FMN1: variants seen among roughly 807,000 people sequenced by gnomAD.
FMN1 encodes formin-1.
Under a neutral mutation model 132.4 loss-of-function variants are expected in FMN1, and 110 were observed. The ratio of observed to expected loss-of-function variants is 0.83; its 90% confidence interval spans 0.71 to 0.97. The LOEUF is 0.97. Among genes scored for constraint, FMN1 ranks in the 50% least tolerant of loss-of-function variants. FMN1 has a pLI of 0.00. For synonymous variants in FMN1, 722 were observed against 651.7 expected (o/e 1.11, Z -1.64); for missense variants, 1,792 against 1,705.3 (o/e 1.05, Z -0.90).
chr15:32,894,483 C>T (rs1335943168), intron 15 of FMN1, among the ~76,000 whole-genome samples: 1 of 140,532 alleles, frequency 7.1e-6, no homozygotes, highest in Non-Finnish European at 1.5e-5. Context: ...GACTCCATCT[C>T]AATTAAAAAA....
At chr15:33,131,848 C>T (rs1192793956) in intron 4 of FMN1, among the ~76,000 whole-genome samples, 1 of 152,176 alleles carries the variant, frequency 6.6e-6, no homozygotes, top group Non-Finnish European at 1.5e-5. Context: ...CTATTAAATG[C>T]TGTTTAAGTA....
intron 17 of FMN1, among the ~76,000 whole-genome samples, chr15:32,850,787 TTATC>T (rs1440387511): frequency 1.8e-4 from 27 of 152,340 alleles, no homozygotes; most frequent in African/African-American, 6.5e-4. Context: ...CCTGGTAAAT[TTATC>T]TATTTTTTAC....
rs1404485671 is a variant in FMN1 at position 33,154,223 on chromosome 15, T to C, written c.692A>G (p.Gln231Arg). Residue 231 changes from glutamine (Q) to arginine (R), a missense_variant, in exon 4 of 21, where the codon CAG becomes CGG. Gln to Arg is a conservative substitution (Grantham distance 43). Around this residue, in one of 3 missense-constraint regions of FMN1, gnomAD observed 638 missense variants for 645.2 expected, o/e 0.99. Coordinates refer to ENST00000616417, the MANE Select transcript of FMN1 (RefSeq NM_001277313.2). ...LPNGALACSL[Q>R]RRESCPPDIP... is the part of the protein sequence containing the mutation. Reference sequence around the variant, plus strand: ...ATCTGGGGGGCAGCTCTCTCTCCTCTGCAGGGAGCAGGCAAGTGCCCCATT... The same window carrying C: ...ATCTGGGGGGCAGCTCTCTCTCCTCCGCAGGGAGCAGGCAAGTGCCCCATT... 3 of 1,536,236 alleles carry C rather than the reference T, an allele frequency of 2.0e-6. No homozygotes were observed. Among genetic ancestry groups the C allele is most frequent in the South Asian group, 2.4e-5 (2 of 84,062 alleles).
At chr15:33,033,707 A>G (rs2036056669) in intron 6 of FMN1, among the ~76,000 whole-genome samples, 1 of 151,610 alleles carries the variant, frequency 6.6e-6, no homozygotes. Context: ...AATCTCTCAA[A>G]GTCACCTACA....
chr15:33,170,398 C>CA, intron 3 of FMN1, among the ~76,000 whole-genome samples: 1 of 151,870 alleles, frequency 6.6e-6, no homozygotes, highest in Non-Finnish European at 1.5e-5. Context: ...GCAACAAAAC[C>CA]AAAAATAGAC....
At chr15:32,779,898 A>G (rs1227236124) in intron 19 of FMN1, among the ~76,000 whole-genome samples, 1 of 152,196 alleles carries the variant, frequency 6.6e-6, no homozygotes, top group Non-Finnish European at 1.5e-5. Context: ...ACAAATTCAA[A>G]AATCACAGGA....
At chr15:33,112,720 T>C (rs2039758007) in intron 4 of FMN1, among the ~76,000 whole-genome samples, 1 of 152,204 alleles carries the variant, frequency 6.6e-6, no homozygotes, top group African/African-American at 2.4e-5. Flanking sequence ...CAGTCACGGC[T>C]GCCCAATCAA....
intron 10 of FMN1, among the ~76,000 whole-genome samples, chr15:32,920,839 TG>T (rs1349319695): frequency 2.6e-5 from 4 of 152,228 alleles, no homozygotes; most frequent in Non-Finnish European, 5.9e-5. Context: ...CCCTCATACG[TG>T]GTCTCTTCTC....
chr15:32,830,630 G>A (rs141914217), intron 17 of FMN1, among the ~76,000 whole-genome samples: 6 of 152,194 alleles, frequency 3.9e-5, no homozygotes, highest in African/African-American at 1.4e-4. Context: ...CTTCCCTCTC[G>A]TATCAGCTAA....
rs575481973 is a variant in FMN1 at position 33,097,016 on chromosome 15, G to A, written c.1868-8042C>T. Among the ~76,000 whole-genome samples the A allele has an allele frequency of 4.7e-4, 72 of 152,192 alleles. 2 individuals carry two copies. The South Asian group carries it at 0.012, about 26-fold the overall frequency. On this transcript the variant is annotated intron_variant, in intron 4 of 20. Coordinates refer to ENST00000616417, the MANE Select transcript of FMN1 (RefSeq NM_001277313.2). The stretch of plus-strand genomic sequence containing the variant: ...ACCTCAGTAGAAAGCATAGGTAGCC[G>A]GGCACAGCGGCTCATGCCTGTAATC...
intron 9 of FMN1, among the ~76,000 whole-genome samples, chr15:32,951,063 T>C (rs758427087): frequency 2.6e-5 from 4 of 152,166 alleles, no homozygotes; most frequent in Admixed American, 2.0e-4. Flanking sequence ...AAGTACTGTA[T>C]GAAAGTTAAT....
At chr15:32,854,310 G>T (rs562687864) in intron 17 of FMN1, among the ~76,000 whole-genome samples, 1 of 152,120 alleles carries the variant, frequency 6.6e-6, no homozygotes, top group South Asian at 2.1e-4. Context: ...TTGCCACATC[G>T]AACAGCACAA....
At chr15:32,940,391 TTGTGTGTGTGTGTGTGTGTGTG>T (rs67121672) in intron 9 of FMN1, among the ~76,000 whole-genome samples, 12 of 145,308 alleles carry the variant, frequency 8.3e-5, no homozygotes, top group African/African-American at 2.3e-4. Context: ...AAAATAAAAA[TTGTGTGTGTGTGTGTGTGTGTG>T]TGTGTGTGTG....
rs566431972 is a variant in FMN1 at position 32,967,703 on chromosome 15, A to T, written c.2987+1011T>A. 2.0e-5 allele frequency among the ~76,000 whole-genome samples: 3 copies of T among 152,312 alleles called. No individual in the cohort carries two copies. The South Asian group carries it at 6.2e-4, about 32-fold the overall frequency. ...TGGTGAGAGGAAAGGGGAAAATATG[A>T]AGCACATATGCTTAGTTTTAGGGTA... On this transcript the variant is annotated intron_variant, in intron 8 of 20. Transcript: ENST00000616417.
intron 16 of FMN1, among the ~76,000 whole-genome samples, chr15:32,876,693 A>G (rs1350803571): frequency 6.6e-6 from 1 of 152,256 alleles, no homozygotes; most frequent in African/African-American, 2.4e-5. Context: ...ATAAATATCT[A>G]GAAAGATTCT....
At chr15:32,878,774 C>G (rs754071551) in intron 16 of FMN1, among the ~76,000 whole-genome samples, 31 of 152,130 alleles carry the variant, frequency 2.0e-4, no homozygotes, top group Non-Finnish European at 4.0e-4. Flanking sequence ...GGACTTCTGA[C>G]CCAGACTTTT....
Position 33,022,544 on chromosome 15 carries a change from T to G in FMN1, c.2162-14469A>C, listed in dbSNP as rs561189878. 3.8e-4 allele frequency among the ~76,000 whole-genome samples: 58 copies of G among 152,374 alleles called. 1 individual carries two copies. The highest frequency in any genetic ancestry group is 3.8e-4 in the Non-Finnish European group (26 of 68,040). ...TCCAGTTGTTAAAGGTTCACATTTT[T>G]TAGCTCCCTCCTAAGCCTATGTAAC... On this transcript the variant is annotated intron_variant, in intron 6 of 20. Coordinates refer to ENST00000616417, the MANE Select transcript of FMN1 (RefSeq NM_001277313.2).
intron 8 of FMN1, among the ~76,000 whole-genome samples, chr15:32,967,112 C>A (rs2923051): frequency 0.048 from 7,311 of 152,238 alleles, 221 homozygotes; most frequent in Non-Finnish European, 0.07. Flanking sequence ...AAAGTAAAGC[C>A]CTAGATTTAT....
chr15:32,863,406 C>T (rs969310921), intron 16 of FMN1, among the ~76,000 whole-genome samples: 4 of 152,036 alleles, frequency 2.6e-5, no homozygotes, highest in African/African-American at 4.8e-5. Flanking sequence ...TGCACTCCAG[C>T]CTGGGCGACA....
Sources: gnomAD v4.1 joint callset for allele counts (sites outside exome capture counted in the v4.1 genomes callset) on GRCh38, gnomAD v4.1.1 for gene constraint, gnomAD v4.1.1 regional missense constraint, MANE v1.5 for transcripts, NCBI Gene and HGNC (gene_info 2026-07-23, HGNC 2026-07-21) for gene names.